Variants in TAF1B observed in about 807,000 individuals in gnomAD.
TAF1B encodes the protein TATA-box binding protein associated factor, RNA polymerase I subunit B, also known as TATA box-binding protein-associated factor RNA polymerase I subunit B.
Under a neutral mutation model 83.9 loss-of-function variants are expected in TAF1B, and 61 were observed. The observed-to-expected ratio is 0.73, with a 90% CI of 0.59 to 0.90. The LOEUF is 0.90. Ranked by LOEUF, TAF1B falls within the 40% of genes least tolerant of loss-of-function variation. TAF1B has a pLI of 0.00. For missense variants in TAF1B, 625 were observed against 677.0 expected (o/e 0.92, Z 0.85); for synonymous variants, 221 against 224.6 (o/e 0.98, Z 0.14).
At chr2:9,849,036 G>A (rs541846065) in intron 2 of TAF1B, among the ~76,000 whole-genome samples, 1 of 152,276 alleles carries the variant, frequency 6.6e-6, no homozygotes, top group Non-Finnish European at 1.5e-5. Context: ...TCATACCAAA[G>A]TGTATTTTGT....
chr2:9,843,538 C>T lies in TAF1B; in HGVS notation c.-4C>T, dbSNP rs1053963876. 6 of 1,524,504 alleles carry T rather than the reference C, an allele frequency of 3.9e-6. No homozygotes were observed. The highest frequency in any genetic ancestry group is 4.0e-5 in the Admixed American group (2 of 49,958). 94.4% of individuals were successfully genotyped at this position (1,524,504 alleles called of 1,614,324 possible). On this transcript the variant is annotated 5_prime_UTR_variant, in exon 1 of 15. Coordinates refer to ENST00000263663, the MANE Select transcript of TAF1B (RefSeq NM_005680.3). ...CCGGCTGTGGAAGCTCCCGCGGCGC[C>T]GCGATGGACCTCGAGGAGGCGGTAA...
chr2:9,845,414 T>G lies in TAF1B; in HGVS notation c.117+96T>G, dbSNP rs1663173511. The G allele has an allele frequency of 3.1e-6, 3 of 972,536 alleles. No homozygotes were observed. In the African/African-American group the frequency reaches 4.8e-5, roughly 16 times the overall value. The allele number at this position is 972,536 out of a possible 1,614,324, so 60.2% of individuals were successfully genotyped here. A position where few individuals can be genotyped will look rare whatever the true frequency, so the allele number is the denominator to read the frequency against. On this transcript the variant is annotated intron_variant, in intron 2 of 14. Coordinates refer to ENST00000263663, the MANE Select transcript of TAF1B (RefSeq NM_005680.3). ...TAAGTCCCAAAGAATTGGGTTGATT[T>G]TTGTCACTCATGCAATGCCAACATT... is the stretch of plus-strand genomic sequence containing the variant.
chr2:9,887,509 G>A lies in TAF1B; in HGVS notation c.807+4704G>A, dbSNP rs115452363. Among the ~76,000 whole-genome samples, 763 of 151,250 alleles carry A rather than the reference G, an allele frequency of 5.0e-3. 4 individuals are homozygous for A. The highest frequency in any genetic ancestry group is 0.016 in the African/African-American group (679 of 41,250). On this transcript the variant is annotated intron_variant, in intron 8 of 14. Coordinates refer to ENST00000263663, the MANE Select transcript of TAF1B (RefSeq NM_005680.3). ...TATCTAATGTCACTTTTTTCTCCTCGTGCTGTTTCTACTTGTCTGATACTA... is the reference window on the plus strand; with the variant it reads ...TATCTAATGTCACTTTTTTCTCCTCATGCTGTTTCTACTTGTCTGATACTA...
At chr2:9,900,355 A>G (rs935427594) in intron 8 of TAF1B, among the ~76,000 whole-genome samples, 1 of 152,092 alleles carries the variant, frequency 6.6e-6, no homozygotes, top group African/African-American at 2.4e-5. Flanking sequence ...GCAATATGAC[A>G]AAACTCCATC....
chr2:9,915,900 C>T (rs1665667323), intron 12 of TAF1B, among the ~76,000 whole-genome samples: 1 of 124,698 alleles, frequency 8.0e-6, no homozygotes, highest in Non-Finnish European at 1.6e-5. Context: ...TACCATTTAG[C>T]AGTACAGACT....
intron 12 of TAF1B, among the ~76,000 whole-genome samples, chr2:9,916,872 CTTG>C (rs1665698236): frequency 1.6e-5 from 1 of 60,658 alleles, no homozygotes; most frequent in Non-Finnish European, 4.3e-5. Context: ...GATTTTTGCT[CTTG>C]TTGCCCAGGC....
intron 6 of TAF1B, among the ~76,000 whole-genome samples, chr2:9,870,045 GT>G (rs1368317817): frequency 6.6e-6 from 1 of 151,816 alleles, no homozygotes; most frequent in Non-Finnish European, 1.5e-5. Flanking sequence ...AATTTATTTT[GT>G]TTTTGTAAAA....
chr2:9,881,925 A>G (rs898718459), intron 7 of TAF1B, among the ~76,000 whole-genome samples: 3 of 152,096 alleles, frequency 2.0e-5, no homozygotes, highest in African/African-American at 7.2e-5. Flanking sequence ...CATTATAGGT[A>G]TTGGAGACAG....
chr2:9,890,007 C>G (rs983728829), intron 8 of TAF1B, among the ~76,000 whole-genome samples: 1 of 148,156 alleles, frequency 6.7e-6, no homozygotes, highest in Non-Finnish European at 1.5e-5. Flanking sequence ...ATGAGAGGGC[C>G]CCTTTGCAGG....
intron 8 of TAF1B, among the ~76,000 whole-genome samples, chr2:9,894,316 T>C (rs1664956668): frequency 6.6e-6 from 1 of 152,212 alleles, no homozygotes; most frequent in South Asian, 2.1e-4. Flanking sequence ...TCTAGACTGC[T>C]TCTGATATAT....
Position 9,843,520 on chromosome 2 carries a change from T to G in TAF1B, c.-22T>G. 6.6e-7 allele frequency: 1 copy of G among 1,523,544 alleles called. No homozygotes were observed. The allele number at this position is 1,523,544 out of a possible 1,614,324, so 94.4% of individuals were successfully genotyped here. On this transcript the variant is annotated 5_prime_UTR_variant, in exon 1 of 15. Coordinates refer to ENST00000263663, the MANE Select transcript of TAF1B (RefSeq NM_005680.3). Reference sequence around the variant, plus strand: ...CTACCCGGGTAACGGGTCCCGGCTGTGGAAGCTCCCGCGGCGCCGCGATGG... The same window carrying G: ...CTACCCGGGTAACGGGTCCCGGCTGGGGAAGCTCCCGCGGCGCCGCGATGG...
At chr2:9,903,618 T>C (rs1665254193) in intron 8 of TAF1B, among the ~76,000 whole-genome samples, 1 of 152,232 alleles carries the variant, frequency 6.6e-6, no homozygotes, top group Admixed American at 6.5e-5. Flanking sequence ...AGTTGAATTG[T>C]GGATTTTTAA....
chr2:9,903,815 A>C (rs993412357), intron 8 of TAF1B, among the ~76,000 whole-genome samples: 1 of 152,318 alleles, frequency 6.6e-6, no homozygotes, highest in Admixed American at 6.5e-5. Flanking sequence ...TGTAGCTTTC[A>C]TCCTTTCTCC....
intron 8 of TAF1B, among the ~76,000 whole-genome samples, chr2:9,902,432 A>G (rs1211428436): frequency 6.6e-6 from 1 of 152,178 alleles, no homozygotes; most frequent in Non-Finnish European, 1.5e-5. Flanking sequence ...AGAGTAATCA[A>G]ATCCTGACTT....
At chr2:9,906,177 A>G (rs942140872) in intron 9 of TAF1B, among the ~76,000 whole-genome samples, 5 of 152,214 alleles carry the variant, frequency 3.3e-5, no homozygotes, top group Non-Finnish European at 5.9e-5. Flanking sequence ...ATCAAAATAT[A>G]ACTGATGCAG....
intron 7 of TAF1B, among the ~76,000 whole-genome samples, chr2:9,877,817 C>T (rs1192495485): frequency 6.6e-6 from 1 of 151,912 alleles, no homozygotes; most frequent in Admixed American, 6.6e-5. Flanking sequence ...AGATACTACC[C>T]ACCCCTCTTC....
chr2:9,849,266 C>T, intron 2 of TAF1B, 107 bp from the exon 3 acceptor site: 1 of 731,044 alleles, frequency 1.4e-6, no homozygotes. Context: ...CATCCTTGGT[C>T]CTGGCACTCA....
intron 5 of TAF1B, among the ~76,000 whole-genome samples, chr2:9,860,958 A>G (rs897243120): frequency 6.6e-6 from 1 of 152,156 alleles, no homozygotes; most frequent in African/African-American, 2.4e-5. Flanking sequence ...AAAAAGTGGG[A>G]TAGAGGGGTG....
rs1663489949 is a variant in TAF1B, at chr2:9,854,310, T to C, written c.304-16T>C. 1 of 1,604,250 alleles carries C rather than the reference T, an allele frequency of 6.2e-7. No homozygotes were observed. Among genetic ancestry groups the C allele is most frequent in the African/African-American group, 1.3e-5 (1 of 74,744 alleles). On this transcript the variant is annotated splice_polypyrimidine_tract_variant and intron_variant, in intron 4 of 14. Transcript: ENST00000263663. ...ATAACCTGAATCACCCACCACTCAT[T>C]TCCCTTCCACCTTAGAACGATGTTT... is the stretch of plus-strand genomic sequence containing the variant.
Sources: gnomAD v4.1 joint callset for allele counts (sites outside exome capture counted in the v4.1 genomes callset) on GRCh38, gnomAD v4.1.1 for gene constraint, MANE v1.5 for transcripts, NCBI Gene and HGNC (gene_info 2026-07-23, HGNC 2026-07-21) for gene names.